PPP1R9A: variants seen among roughly 807,000 people sequenced by gnomAD.
PPP1R9A encodes neurabin-1.
PPP1R9A carries 59 observed loss-of-function variants against 141.9 expected under a neutral mutation model. That is an observed-to-expected ratio of 0.42 (90% CI 0.34 to 0.52). The LOEUF (loss-of-function observed/expected upper bound fraction) is 0.52, where lower values mean the gene tolerates loss of function less well. Ranked by LOEUF, PPP1R9A falls within the 20% of genes least tolerant of loss-of-function variation. The probability of loss-of-function intolerance (pLI) is 0.10; values close to 1 mark genes in which losing one functional copy is unlikely to be tolerated. For missense variants in PPP1R9A, 1,444 were observed against 1,611.9 expected, an observed-to-expected ratio of 0.90 and a Z score of 1.78; for synonymous variants, 500 against 569.7, an observed-to-expected ratio of 0.88 and a Z score of 1.74.
At chr7:95,022,516 T>C (rs770611835) in intron 2 of PPP1R9A, among the ~76,000 whole-genome samples, 9 of 152,208 alleles carry the variant, frequency 5.9e-5, no homozygotes, top group Non-Finnish European at 1.3e-4. Flanking sequence ...CAATACTATA[T>C]TGAATAGTAG....
chr7:95,108,785 T>A (rs1820034891), intron 2 of PPP1R9A: 1 of 152,118 alleles, frequency 6.6e-6, no homozygotes, highest in African/African-American at 2.4e-5. Flanking sequence ...AAAAAAAATG[T>A]TGGGAAGGAG....
At position 95,054,388 on chromosome 7, in the gene PPP1R9A, G is replaced by A. The variant is rs983874283; in HGVS notation, c.1396-56871G>A. ...GATCCATCTGCCTTGGCCTCCCAAAGTGCTGGGATTATAGGTGTGAGCCAC... is the reference window on the plus strand; with the variant it reads ...GATCCATCTGCCTTGGCCTCCCAAAATGCTGGGATTATAGGTGTGAGCCAC... On this transcript the variant is annotated intron_variant, in intron 2 of 19. Coordinates refer to ENST00000433360, the MANE Select transcript of PPP1R9A (RefSeq NM_001166160.2). Among the ~76,000 whole-genome samples, 4 of 152,006 alleles carry A rather than the reference G, an allele frequency of 2.6e-5. No homozygotes were observed. The East Asian group carries it at 7.7e-4, about 29-fold the overall frequency.
intron 2 of PPP1R9A, among the ~76,000 whole-genome samples, chr7:95,072,128 T>G (rs2152169830): frequency 6.6e-6 from 1 of 150,876 alleles, no homozygotes; most frequent in East Asian, 1.9e-4. Context: ...GTTAAATCCA[T>G]AATATATTAA....
intron 2 of PPP1R9A, among the ~76,000 whole-genome samples, chr7:94,964,847 G>A (rs989360413): frequency 2.0e-5 from 3 of 152,098 alleles, no homozygotes; most frequent in Non-Finnish European, 2.9e-5. Context: ...CCCAGTAATG[G>A]GATTGCTGAG....
At chr7:95,248,447 A>ATC (rs1798444555) in intron 9 of PPP1R9A, among the ~76,000 whole-genome samples, 1 of 152,102 alleles carries the variant, frequency 6.6e-6, no homozygotes, top group African/African-American at 2.4e-5. Context: ...ACGACTATAC[A>ATC]TCATTCACGG....
intron 5 of PPP1R9A, among the ~76,000 whole-genome samples, chr7:95,172,132 T>C (rs567762514): frequency 9.2e-5 from 14 of 151,634 alleles, no homozygotes; most frequent in Non-Finnish European, 1.6e-4. Flanking sequence ...TAGTGAAGCC[T>C]GCAACTAATA....
At chr7:95,241,919 A>G (rs1239825856) in intron 8 of PPP1R9A, among the ~76,000 whole-genome samples, 1 of 152,138 alleles carries the variant, frequency 6.6e-6, no homozygotes, top group Non-Finnish European at 1.5e-5. Context: ...CAGCAGCAGC[A>G]TCATTAATAA....
At chr7:95,197,795 C>T (rs529600743) in intron 5 of PPP1R9A, among the ~76,000 whole-genome samples, 33 of 151,912 alleles carry the variant, frequency 2.2e-4, no homozygotes, top group Admixed American at 2.1e-3. Context: ...ACTACAGGTG[C>T]GCGCCACCAC....
intron 14 of PPP1R9A, among the ~76,000 whole-genome samples, chr7:95,270,433 T>A (rs1048210524): frequency 6.6e-6 from 1 of 152,180 alleles, no homozygotes; most frequent in Non-Finnish European, 1.5e-5. Flanking sequence ...TTTTCTGAAT[T>A]GTGTCAATAC....
At chr7:95,017,756 C>T (rs567985292) in intron 2 of PPP1R9A, among the ~76,000 whole-genome samples, 8 of 152,140 alleles carry the variant, frequency 5.3e-5, no homozygotes, top group East Asian at 1.9e-4. Context: ...AAATTATACA[C>T]GATAGAGAAT....
At chr7:95,000,501 G>A (rs116180168) in intron 2 of PPP1R9A, among the ~76,000 whole-genome samples, 1 of 151,618 alleles carries the variant, frequency 6.6e-6, no homozygotes, top group African/African-American at 2.4e-5. Context: ...GCTTTTTCAT[G>A]TACTCTTACT....
intron 12 of PPP1R9A, among the ~76,000 whole-genome samples, chr7:95,261,781 A>G (rs1240093334): frequency 6.6e-6 from 1 of 152,200 alleles, no homozygotes; most frequent in Non-Finnish European, 1.5e-5. Flanking sequence ...TTAAAGTACT[A>G]TTAAGTACTA....
At chr7:95,213,983 G>A (rs919772537) in intron 7 of PPP1R9A, among the ~76,000 whole-genome samples, 7 of 152,102 alleles carry the variant, frequency 4.6e-5, no homozygotes, top group Non-Finnish European at 1.0e-4. Flanking sequence ...CTCCCTTCCA[G>A]TTTCCACTCA....
At chr7:95,276,504 G>C (rs1298758571) in intron 16 of PPP1R9A, among the ~76,000 whole-genome samples, 1 of 152,062 alleles carries the variant, frequency 6.6e-6, no homozygotes, top group African/African-American at 2.4e-5. Context: ...TAAAACTCTG[G>C]AGTCCCCCTG....
At chr7:95,074,996 A>C (rs1228685366) in intron 2 of PPP1R9A, among the ~76,000 whole-genome samples, 1 of 152,134 alleles carries the variant, frequency 6.6e-6, no homozygotes, top group Non-Finnish European at 1.5e-5. Flanking sequence ...TTTCTCATGA[A>C]CTACATGTCC....
chr7:95,203,701 TGC>T lies in PPP1R9A; in HGVS notation c.1928_1929del (p.Cys643Ter), dbSNP rs1437673561. ...VAELQGMSGNCNNNNNYFLKT... is the reference protein window; with the variant it reads ...VAELQGMSGNXNNNNNYFLKT... ...TGAATTGCAAGGAATGTCTGGCAAC[TGC>T]AATAACAATAACAACTATTTTCTTA... is the stretch of plus-strand genomic sequence containing the variant. On this transcript the variant is annotated frameshift_variant, in exon 7 of 20. Coordinates refer to ENST00000433360, the MANE Select transcript of PPP1R9A (RefSeq NM_001166160.2). LOFTEE classifies it high-confidence loss of function. 7 of 1,536,546 alleles carry T rather than the reference TGC, an allele frequency of 4.6e-6. No individual in the cohort carries two copies. The highest frequency in any genetic ancestry group is 6.1e-6 in the Non-Finnish European group (7 of 1,146,450).
At chr7:95,009,752 G>T (rs748219516) in intron 2 of PPP1R9A, among the ~76,000 whole-genome samples, 4 of 152,144 alleles carry the variant, frequency 2.6e-5, no homozygotes, top group Non-Finnish European at 5.9e-5. Flanking sequence ...ATAGAGTGAT[G>T]AAGTGAATTC....
chr7:95,103,374 T>C (rs1819065708), intron 2 of PPP1R9A, among the ~76,000 whole-genome samples: 1 of 136,734 alleles, frequency 7.3e-6, no homozygotes, highest in Admixed American at 7.4e-5. Context: ...TTTTTTTTTT[T>C]TTTTTTGAGA....
intron 2 of PPP1R9A, among the ~76,000 whole-genome samples, chr7:94,947,972 A>T (rs529867843): frequency 6.6e-6 from 1 of 152,046 alleles, no homozygotes; most frequent in Admixed American, 6.6e-5. Context: ...GAGTCTGGCC[A>T]TGTGACTAAG....
Sources: gnomAD v4.1 joint callset for allele counts (sites outside exome capture counted in the v4.1 genomes callset) on GRCh38, gnomAD v4.1.1 for gene constraint, MANE v1.5 for transcripts, NCBI Gene and HGNC (gene_info 2026-07-23, HGNC 2026-07-21) for gene names.